Variants in EIF3E observed in about 807,000 individuals in gnomAD.
EIF3E encodes the protein eukaryotic translation initiation factor 3 subunit E, also known as eIF-3 p48.
A neutral mutation model predicts 59.3 loss-of-function variants in EIF3E; 25 were observed. That is an observed-to-expected ratio of 0.42 (90% CI 0.31 to 0.59). The LOEUF (loss-of-function observed/expected upper bound fraction) is 0.59, where lower values mean the gene tolerates loss of function less well. Ranked by LOEUF, EIF3E falls within the 20% of genes least tolerant of loss-of-function variation. EIF3E has a pLI of 0.15. For missense variants in EIF3E, 317 were observed against 534.3 expected (o/e 0.59, Z 4.01); for synonymous variants, 176 against 170.2 (o/e 1.03, Z -0.26).
At chr8:108,206,993 CTTG>C (rs1815114367) in intron 10 of EIF3E, among the ~76,000 whole-genome samples, 2 of 152,122 alleles carry the variant, frequency 1.3e-5, no homozygotes, top group Non-Finnish European at 2.9e-5. Context: ...TTGCACTGTG[CTTG>C]TTGATCTTTT....
intron 5 of EIF3E, 111 bp downstream of exon 5, chr8:108,234,887 T>C (rs886290452): frequency 3.6e-6 from 2 of 549,162 alleles, no homozygotes; most frequent in Non-Finnish European, 5.8e-6. Flanking sequence ...CCAATGACTG[T>C]TGAAAACTTA....
rs1367127691 is a variant in EIF3E, at chr8:108,203,097, G to A, written c.1185C>T (p.Asn395=). 1 of 1,612,518 alleles carries A rather than the reference G, an allele frequency of 6.2e-7. No homozygotes were observed. Among genetic ancestry groups the A allele is most frequent in the African/African-American group, 1.3e-5 (1 of 74,944 alleles). The change falls in exon 12 of 13, where the codon AAC becomes AAT. Residue 395 remains asparagine, a synonymous_variant. Coordinates refer to ENST00000220849, the MANE Select transcript of EIF3E (RefSeq NM_001568.3). ...CTTGCTGATAGGGTGAGACTGCATT[G>A]TTACCCATAACCACATGACCCTAAA... The part of the protein sequence containing the change: ...DSKLGHVVMG[N]NAVSPYQQVI...
At chr8:108,216,128 A>G (rs1307846826) in intron 9 of EIF3E, among the ~76,000 whole-genome samples, 1 of 152,118 alleles carries the variant, frequency 6.6e-6, no homozygotes, top group Non-Finnish European at 1.5e-5. Context: ...AATTTAAATT[A>G]CCCCCAATGT....
intron 9 of EIF3E, among the ~76,000 whole-genome samples, chr8:108,215,685 G>T (rs1815289087): frequency 1.3e-5 from 2 of 152,082 alleles, no homozygotes. Flanking sequence ...CCTTAGAGAA[G>T]TAAGATATTT....
At chr8:108,206,624 G>A (rs542159300) in intron 10 of EIF3E, among the ~76,000 whole-genome samples, 33 of 134,232 alleles carry the variant, frequency 2.5e-4, no homozygotes, top group Middle Eastern at 3.9e-3. Context: ...ACACTGGCAT[G>A]GTCGCACAGA....
At chr8:108,207,569 T>C (rs1414390394) in intron 10 of EIF3E, among the ~76,000 whole-genome samples, 1 of 152,152 alleles carries the variant, frequency 6.6e-6, no homozygotes, top group African/African-American at 2.4e-5. Context: ...GAGAAAAATA[T>C]CTAGTCCAAT....
At position 108,201,257 on chromosome 8, in the gene EIF3E, ATATATATATCTATC is replaced by A. The variant is rs985571423; in HGVS notation, c.*614_*627del. The A allele has an allele frequency of 1.4e-5, 2 of 143,160 alleles. No homozygotes were observed. Among genetic ancestry groups the A allele is most frequent in the African/African-American group, 5.7e-5 (2 of 35,214 alleles). 8.9% of individuals were successfully genotyped at this position (143,160 alleles called of 1,614,324 possible). The stretch of plus-strand genomic sequence containing the variant: ...AAGGAATTAACTACTGATCATATAT[ATATATATATCTATC>A]TCTCAACTTGGATGGCTCTCAAGAG... On this transcript the variant is annotated 3_prime_UTR_variant, in exon 13 of 13. Transcript: ENST00000220849.
At chr8:108,242,242 C>T (rs1815852883) in intron 1 of EIF3E, 3 of 1,296,988 alleles carry the variant, frequency 2.3e-6, no homozygotes, top group Middle Eastern at 2.1e-4. Flanking sequence ...ATAAATAAAA[C>T]CCACGCCATC....
At chr8:108,218,754 T>C (rs959932025) in intron 7 of EIF3E, among the ~76,000 whole-genome samples, 1 of 151,206 alleles carries the variant, frequency 6.6e-6, no homozygotes, top group Non-Finnish European at 1.5e-5. Flanking sequence ...AGTTTTAAAG[T>C]AGGTGATTTT....
At position 108,241,048 on chromosome 8, in the gene EIF3E, T is replaced by C. The variant is rs377465058; in HGVS notation, c.205+751A>G. On this transcript the variant is annotated intron_variant, in intron 2 of 12. Coordinates refer to ENST00000220849, the MANE Select transcript of EIF3E (RefSeq NM_001568.3). Reference sequence around the variant, plus strand: ...TATCCATGACAAACTAAAAAAGAGATACTGTTATTGCAGGGAACTACAAGT... The same window carrying C: ...TATCCATGACAAACTAAAAAAGAGACACTGTTATTGCAGGGAACTACAAGT... 4.6e-5 allele frequency among the ~76,000 whole-genome samples: 7 copies of C among 152,280 alleles called. No individual in the cohort carries two copies. The East Asian group carries it at 1.3e-3, about 29-fold the overall frequency.
chr8:108,237,490 G>C (rs1410913255), intron 3 of EIF3E, among the ~76,000 whole-genome samples: 2 of 152,116 alleles, frequency 1.3e-5, no homozygotes, highest in Non-Finnish European at 2.9e-5. Context: ...GACCTCAAGT[G>C]ATCCACCCAC....
intron 7 of EIF3E, 136 bp downstream of exon 7, chr8:108,228,131 G>C (rs923587632): frequency 1.0e-6 from 1 of 954,484 alleles, no homozygotes; most frequent in Non-Finnish European, 1.5e-6. Flanking sequence ...TCAGTAACAA[G>C]CAAATCTACT....
chr8:108,240,170 A>C, intron 2 of EIF3E, 95 bp from the exon 3 acceptor site: 1 of 965,110 alleles, frequency 1.0e-6, no homozygotes, highest in Middle Eastern at 2.2e-4. Context: ...GTGTATTTAA[A>C]CTATACATAT....
intron 10 of EIF3E, among the ~76,000 whole-genome samples, chr8:108,207,840 A>G (rs1815131525): frequency 6.6e-6 from 1 of 152,226 alleles, no homozygotes; most frequent in Non-Finnish European, 1.5e-5. Context: ...GTTCAATTTA[A>G]TTAAACATGT....
chr8:108,226,083 AT>A (rs1815511325), intron 7 of EIF3E: 1 of 152,024 alleles, frequency 6.6e-6, no homozygotes, highest in African/African-American at 2.4e-5. Context: ...TTCATTATTC[AT>A]TGTTTTGCTT....
intron 10 of EIF3E, among the ~76,000 whole-genome samples, chr8:108,204,054 T>C (rs1815045075): frequency 6.6e-6 from 1 of 152,112 alleles, no homozygotes; most frequent in African/African-American, 2.4e-5. Flanking sequence ...GTATATGAGA[T>C]AACATGCATA....
chr8:108,205,870 C>T (rs1416744591), intron 10 of EIF3E, among the ~76,000 whole-genome samples: 1 of 152,148 alleles, frequency 6.6e-6, no homozygotes, highest in East Asian at 1.9e-4. Flanking sequence ...TGTTGTTAAT[C>T]TTCTACTGTG....
intron 1 of EIF3E, among the ~76,000 whole-genome samples, chr8:108,243,904 C>T (rs2129929559): frequency 6.6e-6 from 1 of 152,286 alleles, no homozygotes; most frequent in Admixed American, 6.5e-5. Context: ...CCCCACTCCA[C>T]TAGTAACTTT....
intron 10 of EIF3E, among the ~76,000 whole-genome samples, chr8:108,213,681 ATTACATTAT>A (rs1815251554): frequency 6.6e-6 from 1 of 152,206 alleles, no homozygotes; most frequent in Non-Finnish European, 1.5e-5. Flanking sequence ...TTCATAACCA[ATTACATTAT>A]TAGGAATTTT....
Sources: gnomAD v4.1 joint callset for allele counts (sites outside exome capture counted in the v4.1 genomes callset) on GRCh38, gnomAD v4.1.1 for gene constraint, MANE v1.5 for transcripts, NCBI Gene and HGNC (gene_info 2026-07-23, HGNC 2026-07-21) for gene names.